Variants in LAMA4 observed in about 807,000 individuals in gnomAD.
The protein encoded by LAMA4 is laminin subunit alpha-4.
In LAMA4, 127 loss-of-function variants were observed where a neutral mutation model predicts 207.1. That is an observed-to-expected ratio of 0.61 (90% CI 0.53 to 0.71). LAMA4 has a LOEUF of 0.71. Among genes scored for constraint, LAMA4 ranks in the 30% least tolerant of loss-of-function variants. The pLI, the probability that LAMA4 is intolerant of heterozygous loss-of-function variation, is 0.00. For synonymous variants in LAMA4, 761 were observed against 816.0 expected, an observed-to-expected ratio of 0.93 and a Z score of 1.15; for missense variants, 2,093 against 2,246.5, an observed-to-expected ratio of 0.93 and a Z score of 1.38.
At chr6:112,158,559 AC>A (rs1780861893) in intron 14 of LAMA4, among the ~76,000 whole-genome samples, 172 bp downstream of exon 14, 3 of 151,854 alleles carry the variant, frequency 2.0e-5, no homozygotes, top group Admixed American at 6.6e-5. Context: ...CAACCAACCA[AC>A]CAACCAAGCA....
intron 2 of LAMA4, among the ~76,000 whole-genome samples, chr6:112,224,752 G>GTTTT (rs1368677168): frequency 6.8e-6 from 1 of 147,610 alleles, no homozygotes; most frequent in Non-Finnish European, 1.5e-5. Flanking sequence ...GGAGGCGGAG[G>GTTTT]TTGCAGTGAG....
intron 2 of LAMA4, among the ~76,000 whole-genome samples, chr6:112,241,250 T>C (rs1427426880): frequency 6.9e-6 from 1 of 144,762 alleles, no homozygotes; most frequent in Non-Finnish European, 1.5e-5. Flanking sequence ...TGTATATATA[T>C]ACACATTCAG....
chr6:112,134,329 A>G (rs1412909883), intron 26 of LAMA4, 138 bp downstream of exon 26: 4 of 784,344 alleles, frequency 5.1e-6, no homozygotes, highest in East Asian at 2.6e-5. Flanking sequence ...CTGAAGGTAC[A>G]TGAATGTGTG....
Position 112,187,440 on chromosome 6 carries a change from T to G in LAMA4, c.966+10A>C. 6.2e-7 allele frequency: 1 copy of G among 1,614,014 alleles called. No individual in the cohort carries two copies. The highest frequency in any genetic ancestry group is 8.5e-7 in the Non-Finnish European group (1 of 1,179,942). On this transcript the variant is annotated intron_variant, in intron 8 of 38. Coordinates refer to ENST00000230538, the MANE Select transcript of LAMA4 (RefSeq NM_001105206.3). ...GAAAACAGAGTGGAAAGTAGAACAT[T>G]CCTGCGTACTTTGAGGAGGTAGATG...
chr6:112,209,996 G>A (rs1434557297), intron 3 of LAMA4, among the ~76,000 whole-genome samples: 1 of 151,474 alleles, frequency 6.6e-6, no homozygotes, highest in Non-Finnish European at 1.5e-5. Flanking sequence ...AAAGTGTGTA[G>A]CACCTCCCCC....
intron 9 of LAMA4, among the ~76,000 whole-genome samples, chr6:112,182,415 G>C (rs58039820): frequency 2.0e-5 from 3 of 151,976 alleles, no homozygotes; most frequent in Non-Finnish European, 4.4e-5. Flanking sequence ...TGTATTTTGC[G>C]TTTTGGAACT....
chr6:112,206,909 T>A, intron 4 of LAMA4, 112 bp downstream of exon 4: 4 of 1,271,128 alleles, frequency 3.1e-6, no homozygotes, highest in Non-Finnish European at 4.5e-6. Context: ...CAATATGAGG[T>A]TTTGCCTGTG....
Position 112,158,776 on chromosome 6 carries a change from A to G in LAMA4, c.1773T>C (p.Ile591=), listed in dbSNP as rs1554337608. The change falls in exon 14 of 39, where the codon ATT becomes ATC. Residue 591 remains isoleucine, a synonymous_variant. Coordinates refer to ENST00000230538, the MANE Select transcript of LAMA4 (RefSeq NM_001105206.3). ...NLSHDLVQEA[I]DHAQDLQQEA... is the part of the protein sequence containing the mutation. Reference sequence around the variant, plus strand: ...CTTGTTGAAGGTCCTGTGCATGGTCAATAGCTTCTTGGACTAAATCATGGC... The same window carrying G: ...CTTGTTGAAGGTCCTGTGCATGGTCGATAGCTTCTTGGACTAAATCATGGC... The G allele has an allele frequency of 2.5e-6, 4 of 1,613,906 alleles. No individual in the cohort carries two copies. The South Asian group carries it at 3.3e-5, about 13-fold the overall frequency.
At chr6:112,249,861 C>T (rs1787303274) in intron 2 of LAMA4, among the ~76,000 whole-genome samples, 2 of 152,124 alleles carry the variant, frequency 1.3e-5, no homozygotes, top group Non-Finnish European at 1.5e-5. Flanking sequence ...AGTTTTGTGC[C>T]CTACTGGTCT....
intron 14 of LAMA4, among the ~76,000 whole-genome samples, chr6:112,156,793 C>G (rs1489227744): frequency 6.6e-6 from 1 of 152,194 alleles, no homozygotes. Flanking sequence ...GCATCCAGTT[C>G]CAGTCCCTGT....
chr6:112,178,916 T>C (rs564236742), intron 9 of LAMA4: 4 of 152,484 alleles, frequency 2.6e-5, no homozygotes, highest in African/African-American at 7.2e-5. Context: ...AAAGAGAAAA[T>C]TGTTGAAAAA....
intron 2 of LAMA4, among the ~76,000 whole-genome samples, chr6:112,221,314 T>G (rs954703420): frequency 1.5e-4 from 23 of 152,196 alleles, no homozygotes; most frequent in African/African-American, 4.8e-4. Context: ...TTGCATTGTG[T>G]TTCCAACCAA....
intron 20 of LAMA4, 128 bp from the exon 21 acceptor site, chr6:112,141,631 C>T: frequency 1.3e-6 from 1 of 752,218 alleles, no homozygotes; most frequent in Admixed American, 2.1e-5. Flanking sequence ...GAATTATTAT[C>T]CGAAGCTCCT....
intron 18 of LAMA4, among the ~76,000 whole-genome samples, chr6:112,146,872 T>C (rs573205695): frequency 4.6e-5 from 7 of 152,226 alleles, no homozygotes; most frequent in South Asian, 2.1e-4. Flanking sequence ...TTTTAGAGTA[T>C]ACTAGTCTTT....
chr6:112,214,639 G>A (rs1784527165), intron 3 of LAMA4, among the ~76,000 whole-genome samples: 1 of 152,196 alleles, frequency 6.6e-6, no homozygotes, highest in South Asian at 2.1e-4. Flanking sequence ...TCATTAAGAT[G>A]AATAAAATGG....
At chr6:112,163,556 G>A (rs1488374960) in intron 13 of LAMA4, among the ~76,000 whole-genome samples, 1 of 152,092 alleles carries the variant, frequency 6.6e-6, no homozygotes, top group Non-Finnish European at 1.5e-5. Context: ...AAGCCCGGGA[G>A]AGACAGGCGG....
intron 2 of LAMA4, chr6:112,234,637 A>G (rs1461058457): frequency 1.3e-5 from 2 of 152,178 alleles, no homozygotes; most frequent in African/African-American, 4.8e-5. Context: ...ATAATCTCAG[A>G]TGAAGATCTA....
intron 4 of LAMA4, among the ~76,000 whole-genome samples, chr6:112,203,877 T>C (rs1783904115): frequency 6.6e-6 from 1 of 152,188 alleles, no homozygotes; most frequent in Non-Finnish European, 1.5e-5. Context: ...GCATCTAGAT[T>C]TAGAGCACAT....
intron 9 of LAMA4, among the ~76,000 whole-genome samples, chr6:112,182,363 C>A (rs565588287): frequency 6.6e-6 from 1 of 152,238 alleles, no homozygotes; most frequent in African/African-American, 2.4e-5. Flanking sequence ...TACATCACTT[C>A]GTTCATATGG....
Sources: gnomAD v4.1 joint callset for allele counts (sites outside exome capture counted in the v4.1 genomes callset) on GRCh38, gnomAD v4.1.1 for gene constraint, MANE v1.5 for transcripts, NCBI Gene and HGNC (gene_info 2026-07-23, HGNC 2026-07-21) for gene names.